Variants in RPS10 observed in about 807,000 individuals in gnomAD.
RPS10 encodes the protein small ribosomal subunit protein eS10.
A neutral mutation model predicts 22.6 loss-of-function variants in RPS10; 2 were observed. The observed-to-expected ratio is 0.09, with a 90% CI of 0.04 to 0.28. The LOEUF (loss-of-function observed/expected upper bound fraction) is 0.28, where lower values mean the gene tolerates loss of function less well. RPS10 is among the 10% of genes least tolerant of loss of function. The pLI is 1.00. For missense variants in RPS10, 137 were observed against 222.2 expected, an observed-to-expected ratio of 0.62 and a Z score of 2.44; for synonymous variants, 70 against 75.9, an observed-to-expected ratio of 0.92 and a Z score of 0.40.
chr6:34,421,444 C>A lies in RPS10; in HGVS notation c.400+286G>T, dbSNP rs867989015. On this transcript the variant is annotated intron_variant, in intron 4 of 5. Coordinates refer to ENST00000648437, the MANE Select transcript of RPS10 (RefSeq NM_001014.5). ...AGTAATCTGCCCACTTCGACCCCCC[C>A]CCTCCAACCAAAGTGCTGGGATTAC... Among the ~76,000 whole-genome samples the A allele has an allele frequency of 4.3e-4, 66 of 152,010 alleles. 1 individual carries two copies. Among genetic ancestry groups the A allele is most frequent in the African/African-American group, 6.5e-4 (27 of 41,454 alleles).
At chr6:34,421,632 G>A in intron 4 of RPS10, 98 bp downstream of exon 4, 1 of 1,342,596 alleles carries the variant, frequency 7.4e-7, no homozygotes, top group South Asian at 1.2e-5. Flanking sequence ...TGGTCATTTT[G>A]TCATCATCAA....
chr6:34,425,913 A>G (rs1765946335), intron 1 of RPS10, 119 bp downstream of exon 1: 1 of 153,216 alleles, frequency 6.5e-6, no homozygotes, highest in Non-Finnish European at 1.5e-5. Context: ...CTACTCAGAA[A>G]TCGGTGTGTG....
Position 34,418,059 on chromosome 6 carries a change from A to T in RPS10, c.456+310T>A, listed in dbSNP as rs540307714. The T allele has an allele frequency of 1.2e-4, 100 of 867,036 alleles. No homozygotes were observed. The African/African-American group carries it at 1.4e-3, about 13-fold the overall frequency. The allele number at this position is 867,036 out of a possible 1,614,324, so 53.7% of individuals were successfully genotyped here. A position where few individuals can be genotyped will look rare whatever the true frequency, so the allele number is the denominator to read the frequency against. On this transcript the variant is annotated intron_variant, in intron 5 of 5. Coordinates refer to ENST00000648437, the MANE Select transcript of RPS10 (RefSeq NM_001014.5). Reference sequence around the variant, plus strand: ...CAACTGAAAAAAGATGGAGGATTTGATTTCATACCATCTTGGTTCTTAAGC... The same window carrying T: ...CAACTGAAAAAAGATGGAGGATTTGTTTTCATACCATCTTGGTTCTTAAGC...
At chr6:34,421,438 C>A (rs1034305568) in intron 4 of RPS10, among the ~76,000 whole-genome samples, 50 of 123,624 alleles carry the variant, frequency 4.0e-4, no homozygotes, top group Non-Finnish European at 8.3e-4. Context: ...CCCACTTCGA[C>A]CCCCCCCCTC....
rs1561940162 is a variant in RPS10, at chr6:34,424,674, G to A, written c.317C>T (p.Pro106Leu). 6 of 1,614,078 alleles carry A rather than the reference G, an allele frequency of 3.7e-6. No homozygotes were observed. The Middle Eastern group carries it at 5.0e-4, about 133-fold the overall frequency. ...GATTTGTGTGGGAACCATACCTTTA[G>A]GCCGAGGCCTGCCAGTCTCTGGACG... ...RSRPETGRPR[P>L]KGLEGERPAR... is the part of the protein sequence containing the mutation. The change falls in exon 3 of 6, where the codon CCT becomes CTT. Residue 106 changes from proline to leucine, a missense_variant. By Grantham distance (98) the Pro-to-Leu change is moderately conservative. Transcript: ENST00000648437.
chr6:34,424,464 G>T, intron 3 of RPS10: 1 of 607,996 alleles, frequency 1.6e-6, no homozygotes, highest in Non-Finnish European at 2.9e-6. Context: ...CAGACTATCT[G>T]TGCTTAAGGC....
intron 4 of RPS10, 29 bp downstream of exon 4, chr6:34,421,701 C>T (rs1272393857): frequency 6.2e-7 from 1 of 1,612,642 alleles, no homozygotes; most frequent in South Asian, 1.1e-5. Flanking sequence ...CACCCCAACA[C>T]CCCTAATATA....
chr6:34,423,407 C>A (rs535685207), intron 3 of RPS10, among the ~76,000 whole-genome samples: 19 of 152,164 alleles, frequency 1.2e-4, no homozygotes, highest in Non-Finnish European at 2.1e-4. Flanking sequence ...GCTGGGATTA[C>A]AGGAATGAGT....
intron 4 of RPS10, among the ~76,000 whole-genome samples, chr6:34,419,391 G>C (rs910183607): frequency 1.3e-5 from 2 of 151,244 alleles, no homozygotes; most frequent in African/African-American, 2.4e-5. Flanking sequence ...TAGAACTCCT[G>C]AGCTCAAGTG....
At chr6:34,418,644 C>A (rs1484999300) in intron 4 of RPS10, among the ~76,000 whole-genome samples, 1 of 152,120 alleles carries the variant, frequency 6.6e-6, no homozygotes. Flanking sequence ...ATACTCACAG[C>A]CCAAACTATA....
At chr6:34,419,565 T>C (rs1765692837) in intron 4 of RPS10, among the ~76,000 whole-genome samples, 1 of 123,836 alleles carries the variant, frequency 8.1e-6, no homozygotes, top group South Asian at 2.9e-4. Context: ...AACCGATTTA[T>C]TTGTATTTAT....
chr6:34,424,019 C>T (rs1173405120), intron 3 of RPS10, among the ~76,000 whole-genome samples: 1 of 151,770 alleles, frequency 6.6e-6, no homozygotes, highest in Non-Finnish European at 1.5e-5. Context: ...TTCACCTCAA[C>T]CTATGCTCTC....
chr6:34,424,677 C>G lies in RPS10; in HGVS notation c.314G>C (p.Arg105Pro). 1 of 1,614,044 alleles carries G rather than the reference C, an allele frequency of 6.2e-7. No individual in the cohort carries two copies. Among genetic ancestry groups the G allele is most frequent in the Non-Finnish European group, 8.5e-7 (1 of 1,179,964 alleles). The change falls in exon 3 of 6, where the codon CGG (arginine) becomes CCG (proline). Residue 105 changes from arginine (R) to proline (P), a missense_variant. Arg to Pro is a moderately radical substitution (Grantham distance 103, BLOSUM62 -2). Coordinates refer to ENST00000648437, the MANE Select transcript of RPS10 (RefSeq NM_001014.5). Reference protein sequence around the residue: ...RRSRPETGRPRPKGLEGERPA... With the variant: ...RRSRPETGRPPPKGLEGERPA... ...TTGTGTGGGAACCATACCTTTAGGC[C>G]GAGGCCTGCCAGTCTCTGGACGGCT... is the stretch of plus-strand genomic sequence containing the variant.
In RPS10 at chr6:34,424,832, C is replaced by G. The variant is rs1765898169; in HGVS notation, c.159G>C (p.Lys53Asn). The G allele has an allele frequency of 3.7e-6, 6 of 1,613,934 alleles. No individual in the cohort carries two copies. The highest frequency in any genetic ancestry group is 5.1e-6 in the Non-Finnish European group (6 of 1,180,030). Reference protein sequence around the residue: ...LHVMKAMQSLKSRGYVKEQFA... With the variant: ...LHVMKAMQSLNSRGYVKEQFA... ...ACTGTTCCTTCACGTAGCCTCGGGACTTGAGAGACTGTAAGGCAGAAAACT... is the reference window on the plus strand; with the variant it reads ...ACTGTTCCTTCACGTAGCCTCGGGAGTTGAGAGACTGTAAGGCAGAAAACT... Residue 53 changes from lysine (K) to asparagine (N), a missense_variant, in exon 3 of 6, where the codon AAG becomes AAC. Physicochemically the swap from Lys to Asn is moderately conservative, Grantham distance 94 (BLOSUM62 0). Transcript: ENST00000648437.
rs751801707 is a variant in RPS10 at position 34,424,820 on chromosome 6, G to A, written c.171C>T (p.Tyr57=). ...GTCTCCAGGCAAACTGTTCCTTCAC[G>A]TAGCCTCGGGACTTGAGAGACTGTA... ...KAMQSLKSRG[Y]VKEQFAWRHF... Residue 57 remains tyrosine, a synonymous_variant, in exon 3 of 6, where the codon TAC becomes TAT. Transcript: ENST00000648437. The A allele has an allele frequency of 2.5e-6, 4 of 1,613,970 alleles. No homozygotes were observed. The highest frequency in any genetic ancestry group is 2.2e-5 in the East Asian group (1 of 44,890).
Position 34,417,483 on chromosome 6 carries a change from A to T in RPS10, c.*23T>A. The stretch of plus-strand genomic sequence containing the variant: ...GGTTTTTTGGCTGTAAGTTTATTCA[A>T]TGCAAAAGAATCCTCTCCAATTTTA... On this transcript the variant is annotated 3_prime_UTR_variant, in exon 6 of 6. Coordinates refer to ENST00000648437, the MANE Select transcript of RPS10 (RefSeq NM_001014.5). 6.2e-7 allele frequency: 1 copy of T among 1,606,670 alleles called. No individual in the cohort carries two copies. Among genetic ancestry groups the T allele is most frequent in the Non-Finnish European group, 8.5e-7 (1 of 1,174,896 alleles).
chr6:34,419,701 C>A (rs374977196), intron 4 of RPS10, among the ~76,000 whole-genome samples: 4 of 152,206 alleles, frequency 2.6e-5, no homozygotes, highest in South Asian at 4.1e-4. Context: ...CCTCATGCTC[C>A]GAGTAGCTGG....
intron 4 of RPS10, among the ~76,000 whole-genome samples, chr6:34,419,052 CTT>C (rs1182221424): frequency 3.3e-5 from 5 of 152,086 alleles, no homozygotes; most frequent in East Asian, 1.9e-4. Context: ...GAATTTCGCT[CTT>C]GTTGCCCAGG....
rs141904419 is a variant in RPS10 at position 34,425,735 on chromosome 6, CG to C, written c.-1+296del. ...CTCCAGTGCCAGGCAAGGAGGCAGTCGGGGGAGTCCTGTTCCCAAGAAAAAA... is the reference window on the plus strand; with the variant it reads ...CTCCAGTGCCAGGCAAGGAGGCAGTCGGGGAGTCCTGTTCCCAAGAAAAAA... On this transcript the variant is annotated intron_variant, in intron 1 of 5. Coordinates refer to ENST00000648437, the MANE Select transcript of RPS10 (RefSeq NM_001014.5). The C allele has an allele frequency of 4.8e-3, 826 of 171,330 alleles. 6 individuals are homozygous for C. The highest frequency in any genetic ancestry group is 0.014 in the African/African-American group (578 of 42,092). 10.6% of individuals were successfully genotyped at this position (171,330 alleles called of 1,614,324 possible). A position where few individuals can be genotyped will look rare whatever the true frequency, so the allele number is the denominator to read the frequency against.
Sources: allele counts gnomAD v4.1 joint callset (sites outside exome capture counted in the v4.1 genomes callset), GRCh38; gene constraint gnomAD v4.1.1; transcripts MANE v1.5; gene names NCBI Gene and HGNC (gene_info 2026-07-23, HGNC 2026-07-21).